The following SLC6A20 variants were observed in gnomAD, a reference collection of about 807,000 sequenced individuals.
SLC6A20 encodes the protein sodium- and chloride-dependent transporter XTRP3.
Under a neutral mutation model 64.3 loss-of-function variants are expected in SLC6A20, and 73 were observed. That is an observed-to-expected ratio of 1.14 (90% CI 0.94 to 1.38). SLC6A20 has a LOEUF of 1.38. Ranked by LOEUF, SLC6A20 falls within the 40% of genes most tolerant of loss-of-function variation. The pLI is 0.00. For missense variants in SLC6A20, 725 were observed against 772.8 expected (o/e 0.94, Z 0.73); for synonymous variants, 347 against 329.6 (o/e 1.05, Z -0.57).
chr3:45,759,487 A>T (rs1351572338), intron 10 of SLC6A20, among the ~76,000 whole-genome samples: 1 of 152,224 alleles, frequency 6.6e-6, no homozygotes, highest in Non-Finnish European at 1.5e-5. Flanking sequence ...CTGGAATGGG[A>T]CTTTCCCGTG....
In SLC6A20 at chr3:45,770,260, G is replaced by A. The variant is rs1364401221; in HGVS notation, c.1047C>T (p.Ser349=). 5.6e-6 allele frequency: 9 copies of A among 1,614,154 alleles called. No individual in the cohort carries two copies. The highest frequency in any genetic ancestry group is 4.4e-5 in the South Asian group (4 of 91,078). Residue 349 remains serine, a synonymous_variant, in exon 7 of 11, where the codon AGC becomes AGT. Transcript: ENST00000358525. The stretch of plus-strand genomic sequence containing the variant: ...AGTTTTTGATTTGCGGGAACATCTC[G>A]CTGTATTTGCTTGGGTAGGCAGATG... ...YLASAYPSKY[S]EMFPQIKNCS...
At chr3:45,759,332 A>G (rs1331423021) in intron 10 of SLC6A20, among the ~76,000 whole-genome samples, 1 of 152,212 alleles carries the variant, frequency 6.6e-6, no homozygotes, top group East Asian at 1.9e-4. Context: ...TCTTCCATAA[A>G]CTAGGAATAA....
chr3:45,795,651 C>T (rs138720984), intron 1 of SLC6A20, among the ~76,000 whole-genome samples: 1 of 152,284 alleles, frequency 6.6e-6, no homozygotes, highest in East Asian at 1.9e-4. Context: ...CCCAGCTTTC[C>T]GCAACGCTAG....
chr3:45,796,232 C>T, intron 1 of SLC6A20, 67 bp downstream of exon 1: 1 of 1,547,926 alleles, frequency 6.5e-7, no homozygotes, highest in East Asian at 2.5e-5. Context: ...GGGTCTAACC[C>T]CGGCTCGCAC....
chr3:45,786,848 G>A (rs1017012529), intron 1 of SLC6A20, among the ~76,000 whole-genome samples: 5 of 152,210 alleles, frequency 3.3e-5, no homozygotes, highest in Non-Finnish European at 5.9e-5. Context: ...TGAGCCCTGT[G>A]GTAATGTCTC....
chr3:45,794,094 A>G (rs977317133), intron 1 of SLC6A20, among the ~76,000 whole-genome samples: 1 of 152,200 alleles, frequency 6.6e-6, no homozygotes, highest in African/African-American at 2.4e-5. Flanking sequence ...CCTGTGAAGT[A>G]GTGAGGAGAG....
chr3:45,785,646 T>TCTCTCTCTCTCTCTCTCTC (rs58230332), intron 1 of SLC6A20, among the ~76,000 whole-genome samples: 21 of 144,292 alleles, frequency 1.5e-4, no homozygotes, highest in African/African-American at 5.2e-4. Context: ...TCTCTCTCTC[T>TCTCTCTCTCTCTCTCTCTC]TCCCCCTATT....
At position 45,780,100 on chromosome 3, in the gene SLC6A20, C is replaced by A. The variant is rs755393234; in HGVS notation, c.263G>T (p.Gly88Val). The change falls in exon 3 of 11, where the codon GGG (glycine) becomes GTG (valine). Residue 88 changes from glycine (G) to valine (V), a missense_variant and splice_region_variant. By Grantham distance (109) the Gly-to-Val change is moderately radical (BLOSUM62 -3). Coordinates refer to ENST00000358525, the MANE Select transcript of SLC6A20 (RefSeq NM_020208.4). The part of the protein sequence containing the change: ...RTISPYLSGV[G>V]VASVVVSFFL... ...GAAAGAGACCACCACGCTGGCGACCCCTGCGAGGAAGCAGAGGGCCGCGCT... is the reference window on the plus strand; with the variant it reads ...GAAAGAGACCACCACGCTGGCGACCACTGCGAGGAAGCAGAGGGCCGCGCT... The A allele has an allele frequency of 5.0e-6, 8 of 1,587,798 alleles. No homozygotes were observed. Among genetic ancestry groups the A allele is most frequent in the African/African-American group, 2.7e-5 (2 of 74,300 alleles).
chr3:45,783,702 C>T (rs1700132930), intron 1 of SLC6A20, among the ~76,000 whole-genome samples: 1 of 152,254 alleles, frequency 6.6e-6, no homozygotes, highest in African/African-American at 2.4e-5. Context: ...GGCCACACCA[C>T]AGAAAGAAAG....
chr3:45,796,427 G>A lies in SLC6A20; in HGVS notation c.-8C>T. On this transcript the variant is annotated 5_prime_UTR_variant, in exon 1 of 11. Transcript: ENST00000358525. ...CGGCCGCGCTTTCTCCATGGCCCCGGCCTCGGCGCGCTCGGCTCCGGCTCG... is the reference window on the plus strand; with the variant it reads ...CGGCCGCGCTTTCTCCATGGCCCCGACCTCGGCGCGCTCGGCTCCGGCTCG... The A allele has an allele frequency of 6.2e-7, 1 of 1,608,378 alleles. No homozygotes were observed. Among genetic ancestry groups the A allele is most frequent in the South Asian group, 1.1e-5 (1 of 90,618 alleles).
chr3:45,758,671 TCA>T lies in SLC6A20; in HGVS notation c.*305_*306del, dbSNP rs1191178472. 1 of 1,177,706 alleles carries T rather than the reference TCA, an allele frequency of 8.5e-7. No individual in the cohort carries two copies. The highest frequency in any genetic ancestry group is 1.1e-6 in the Non-Finnish European group (1 of 949,346). 73.0% of individuals were successfully genotyped at this position (1,177,706 alleles called of 1,614,324 possible). On this transcript the variant is annotated 3_prime_UTR_variant, in exon 11 of 11. Transcript: ENST00000358525. ...GTCCCATAAGAATTATAGTCATATT[TCA>T]GTTTGCAATGTGCCCTAATTCTAGG... is the stretch of plus-strand genomic sequence containing the variant.
Position 45,782,114 on chromosome 3 carries a change from C to T in SLC6A20, c.231G>A (p.Trp77Ter), listed in dbSNP as rs762423645. The T allele has an allele frequency of 1.3e-4, 206 of 1,613,018 alleles. No individual in the cohort carries two copies. The highest frequency in any genetic ancestry group is 1.5e-4 in the Non-Finnish European group (182 of 1,179,582). Residue 77 changes from tryptophan (W) to a stop codon, truncating the protein, a stop_gained, in exon 2 of 11, where the codon TGG becomes TGA. Transcript: ENST00000358525. LOFTEE classifies it high-confidence loss of function. The part of the protein sequence containing the change: ...QRMRQGSIGA[W>*]RTISPYLSGV... ...CACTGAGGTACGGGCTGATGGTCCT[C>T]CAGGCGCCGATGCTGCCCTGCCGCA...
At position 45,765,148 on chromosome 3, in the gene SLC6A20, G is replaced by T. The variant is rs747745052; in HGVS notation, c.1303+389C>A. Among the ~76,000 whole-genome samples the T allele has an allele frequency of 7.9e-5, 12 of 152,172 alleles. No homozygotes were observed. Among genetic ancestry groups the T allele is most frequent in the Non-Finnish European group, 1.8e-4 (12 of 68,032 alleles). On this transcript the variant is annotated intron_variant, in intron 8 of 10. Coordinates refer to ENST00000358525, the MANE Select transcript of SLC6A20 (RefSeq NM_020208.4). This position sits in a 1 kb window ranked among gnomAD's most constrained non-coding sequence, Gnocchi z 4.2. ...GAATCACTTGAACCTGGGAGATGGA[G>T]GTTGCAGTGAGCCAAGATCACGCCA...
intron 1 of SLC6A20, 150 bp from the exon 2 acceptor site, chr3:45,782,373 A>C: frequency 8.9e-7 from 1 of 1,129,772 alleles, no homozygotes; most frequent in African/African-American, 1.6e-5. Flanking sequence ...TCCTCTTTCT[A>C]CTCATCCTTC....
rs774410391 is a variant in SLC6A20 at position 45,765,949 on chromosome 3, G to A, written c.1099-208C>T. Among the ~76,000 whole-genome samples, 6 of 152,194 alleles carry A rather than the reference G, an allele frequency of 3.9e-5. No homozygotes were observed. Among genetic ancestry groups the A allele is most frequent in the Admixed American group, 6.5e-5 (1 of 15,284 alleles). ...CCAGGAGCTCATATATGCAAAGCAC[G>A]TGAGAACTTGTAGCCAGCCTGCAAC... is the stretch of plus-strand genomic sequence containing the variant. On this transcript the variant is annotated intron_variant, in intron 7 of 10. Transcript: ENST00000358525. The surrounding 1 kb of genome is among the most constrained non-coding windows in gnomAD (Gnocchi z 4.2).
chr3:45,765,750 G>C lies in SLC6A20; in HGVS notation c.1099-9C>G. On this transcript the variant is annotated splice_polypyrimidine_tract_variant and intron_variant, in intron 7 of 10. Coordinates refer to ENST00000358525, the MANE Select transcript of SLC6A20 (RefSeq NM_020208.4). The surrounding 1 kb of genome is among the most constrained non-coding windows in gnomAD (Gnocchi z 4.2). ...CCAGTGCCCTGGACGGCCTGCCCAG[G>C]GTGAGAAGACACCAGTTACATGCAA... 2 of 1,614,090 alleles carry C rather than the reference G, an allele frequency of 1.2e-6. No homozygotes were observed. Among genetic ancestry groups the C allele is most frequent in the South Asian group, 2.2e-5 (2 of 91,064 alleles).
At chr3:45,759,492 C>G (rs965024979) in intron 10 of SLC6A20, among the ~76,000 whole-genome samples, 1 of 152,232 alleles carries the variant, frequency 6.6e-6, no homozygotes, top group Non-Finnish European at 1.5e-5. Context: ...ATGGGACTTT[C>G]CCGTGAAGGT....
chr3:45,779,419 C>G (rs375102640), intron 3 of SLC6A20, among the ~76,000 whole-genome samples: 16 of 152,214 alleles, frequency 1.1e-4, no homozygotes, highest in East Asian at 7.7e-4. Flanking sequence ...AGAGTGTCAG[C>G]TGTAGTTATC....
At chr3:45,773,413 T>C (rs1170952381) in intron 4 of SLC6A20, among the ~76,000 whole-genome samples, 1 of 152,232 alleles carries the variant, frequency 6.6e-6, no homozygotes, top group East Asian at 1.9e-4. Flanking sequence ...GATGTTTTGT[T>C]AATATCTTTG....
Sources: allele counts gnomAD v4.1 joint callset (sites outside exome capture counted in the v4.1 genomes callset), GRCh38; gene constraint gnomAD v4.1.1; non-coding constraint Gnocchi (gnomAD v3.1); transcripts MANE v1.5; gene names NCBI Gene and HGNC (gene_info 2026-07-23, HGNC 2026-07-21).